KCND2: variants seen among roughly 807,000 people sequenced by gnomAD.
KCND2 encodes the protein A-type voltage-gated potassium channel KCND2.
KCND2 carries 16 observed loss-of-function variants against 54.4 expected under a neutral mutation model. The ratio of observed to expected loss-of-function variants is 0.29; its 90% confidence interval spans 0.20 to 0.45. KCND2 has a LOEUF of 0.45. Ranked by LOEUF, KCND2 falls within the 20% of genes least tolerant of loss-of-function variation. KCND2 has a pLI of 1.00. For missense variants in KCND2, 486 were observed against 824.2 expected (o/e 0.59, Z 5.02); for synonymous variants, 317 against 310.7 (o/e 1.02, Z -0.21).
intron 1 of KCND2, among the ~76,000 whole-genome samples, chr7:120,281,609 TAGTA>T (rs886988393): frequency 3.3e-5 from 5 of 152,198 alleles, no homozygotes; most frequent in African/African-American, 1.2e-4. Context: ...TGCTTGATAT[TAGTA>T]AGTGTCATTT....
chr7:120,377,282 T>G (rs1800846437), intron 1 of KCND2, among the ~76,000 whole-genome samples: 2 of 151,956 alleles, frequency 1.3e-5, no homozygotes. Context: ...AGCTCAAGTA[T>G]TTATCTTAGA....
At chr7:120,499,888 C>T (rs1802907648) in intron 1 of KCND2, among the ~76,000 whole-genome samples, 1 of 152,084 alleles carries the variant, frequency 6.6e-6, no homozygotes. Context: ...TGACTCATTT[C>T]TTGAGCACCA....
chr7:120,326,218 C>T (rs542469890), intron 1 of KCND2, among the ~76,000 whole-genome samples: 3 of 152,132 alleles, frequency 2.0e-5, no homozygotes, highest in East Asian at 1.9e-4. Flanking sequence ...CAGATGTTGC[C>T]TACTCTTCCT....
rs80100877 is a variant in KCND2 at position 120,721,420 on chromosome 7, T to A, written c.1116-11483T>A. ...ACACAAATCCATAAAGTATACTCAT[T>A]TAATTTTAGGAGATAACTTTGTCTC... On this transcript the variant is annotated intron_variant, in intron 1 of 5. Coordinates refer to ENST00000331113, the MANE Select transcript of KCND2 (RefSeq NM_012281.3). Among the ~76,000 whole-genome samples the A allele has an allele frequency of 6.6e-5, 10 of 152,306 alleles. No homozygotes were observed. In the East Asian group the frequency reaches 1.7e-3, roughly 26 times the overall value.
At position 120,273,782 on chromosome 7, in the gene KCND2, G is replaced by GGCGCGTTCTGCGCGGAAGCA. The variant is rs1799123267; in HGVS notation, c.-849_-830dup. The GGCGCGTTCTGCGCGGAAGCA allele has an allele frequency of 6.5e-6, 1 of 152,826 alleles. No homozygotes were observed. Among genetic ancestry groups the GGCGCGTTCTGCGCGGAAGCA allele is most frequent in the Non-Finnish European group, 1.5e-5 (1 of 68,186 alleles). 9.5% of individuals were successfully genotyped at this position (152,826 alleles called of 1,614,324 possible). A position where few individuals can be genotyped will look rare whatever the true frequency, so the allele number is the denominator to read the frequency against. On this transcript the variant is annotated 5_prime_UTR_variant, in exon 1 of 6. An upstream open reading frame in the 5' UTR loses its in-frame stop. Transcript: ENST00000331113. Reference sequence around the variant, plus strand: ...TTGGCCAGGTATGTACCGCGGGAGCGGCGCGTTCTGCGCGGAAGCAGATGC... The same window carrying GGCGCGTTCTGCGCGGAAGCA: ...TTGGCCAGGTATGTACCGCGGGAGCGGCGCGTTCTGCGCGGAAGCAGCGCGTTCTGCGCGGAAGCAGATGC...
At chr7:120,596,535 A>G (rs1179375742) in intron 1 of KCND2, among the ~76,000 whole-genome samples, 1 of 152,224 alleles carries the variant, frequency 6.6e-6, no homozygotes, top group African/African-American at 2.4e-5. Flanking sequence ...TAATCTCCGT[A>G]AAGTTGTACC....
chr7:120,687,758 A>G (rs1180146130), intron 1 of KCND2, among the ~76,000 whole-genome samples: 6 of 152,238 alleles, frequency 3.9e-5, no homozygotes, highest in African/African-American at 1.4e-4. Context: ...AAAACATAAT[A>G]CTAATCAAAC....
Position 120,749,668 on chromosome 7 carries a change from A to T in KCND2, c.*1810A>T, listed in dbSNP as rs1356895717. On this transcript the variant is annotated 3_prime_UTR_variant, in exon 6 of 6. Transcript: ENST00000331113. The stretch of plus-strand genomic sequence containing the variant: ...CAGTGCTATGCACATATTAGATCTT[A>T]ATAAACATTTGCTGAGTGAAAGTAA... 2 of 152,398 alleles carry T rather than the reference A, an allele frequency of 1.3e-5. No individual in the cohort carries two copies. Among genetic ancestry groups the T allele is most frequent in the Non-Finnish European group, 1.5e-5 (1 of 67,844 alleles). The allele number at this position is 152,398 out of a possible 1,614,324, so 9.4% of individuals were successfully genotyped here.
intron 1 of KCND2, among the ~76,000 whole-genome samples, chr7:120,378,149 T>TTG (rs887686713): frequency 2.6e-5 from 4 of 151,746 alleles, no homozygotes; most frequent in Non-Finnish European, 4.4e-5. Context: ...ACGTGTGTAT[T>TTG]TGTGTGTGTG....
chr7:120,315,912 A>G (rs1183306088), intron 1 of KCND2, among the ~76,000 whole-genome samples: 1 of 151,974 alleles, frequency 6.6e-6, no homozygotes, highest in Non-Finnish European at 1.5e-5. Context: ...TTTAGGTAAC[A>G]TTTCCAAAGG....
At chr7:120,340,637 A>G (rs1404412291) in intron 1 of KCND2, among the ~76,000 whole-genome samples, 1 of 152,204 alleles carries the variant, frequency 6.6e-6, no homozygotes, top group African/African-American at 2.4e-5. Context: ...TTGATAAGCC[A>G]AGTATGGTAA....
At chr7:120,577,958 T>G (rs527726445) in intron 1 of KCND2, among the ~76,000 whole-genome samples, 33 of 152,094 alleles carry the variant, frequency 2.2e-4, no homozygotes, top group Non-Finnish European at 3.7e-4. Context: ...CCTAGCACTT[T>G]GGGAAGCTGA....
chr7:120,619,933 A>G (rs888075994), intron 1 of KCND2, among the ~76,000 whole-genome samples: 1 of 152,214 alleles, frequency 6.6e-6, no homozygotes, highest in African/African-American at 2.4e-5. Context: ...TCACGATGGT[A>G]TGTGGAAAAG....
chr7:120,282,387 A>G (rs75964252), intron 1 of KCND2, among the ~76,000 whole-genome samples: 4,303 of 152,280 alleles, frequency 0.028, 98 homozygotes, highest in Non-Finnish European at 0.047. Flanking sequence ...AATTTCTGTC[A>G]GGAAAAGCTC....
intron 1 of KCND2, among the ~76,000 whole-genome samples, chr7:120,567,906 A>G (rs191957617): frequency 1.3e-5 from 2 of 152,214 alleles, no homozygotes; most frequent in East Asian, 1.9e-4. Context: ...CAATTCTTTC[A>G]TCTTTCTCTC....
intron 1 of KCND2, among the ~76,000 whole-genome samples, chr7:120,304,075 A>T (rs888393297): frequency 2.0e-5 from 3 of 152,158 alleles, no homozygotes; most frequent in African/African-American, 7.2e-5. Context: ...TGTACCAGCA[A>T]TGAACGAGAA....
At chr7:120,697,646 C>T (rs977608978) in intron 1 of KCND2, among the ~76,000 whole-genome samples, 1 of 152,022 alleles carries the variant, frequency 6.6e-6, no homozygotes, top group Non-Finnish European at 1.5e-5. Flanking sequence ...TAAGTTTACC[C>T]CAGTGGACCA....
intron 1 of KCND2, among the ~76,000 whole-genome samples, chr7:120,519,362 A>G (rs1331635975): frequency 1.3e-5 from 2 of 152,006 alleles, no homozygotes; most frequent in South Asian, 4.1e-4. Context: ...CAAAAACAAA[A>G]ACAAAACCTG....
intron 1 of KCND2, among the ~76,000 whole-genome samples, chr7:120,295,910 G>T (rs1365160178): frequency 3.3e-5 from 5 of 151,828 alleles, no homozygotes; most frequent in African/African-American, 9.7e-5. Context: ...TACCATCTTG[G>T]GTTGGGACAT....
Sources: allele counts gnomAD v4.1 joint callset (sites outside exome capture counted in the v4.1 genomes callset), GRCh38; gene constraint gnomAD v4.1.1; transcripts MANE v1.5; gene names NCBI Gene and HGNC (gene_info 2026-07-23, HGNC 2026-07-21).